Variants in CXADR observed in about 807,000 individuals in gnomAD.
CXADR encodes CXADR cell adhesion molecule, also known as coxsackievirus and adenovirus receptor.
In CXADR, 20 loss-of-function variants were observed where a neutral mutation model predicts 40.3. The ratio of observed to expected loss-of-function variants is 0.50; its 90% CI spans 0.35 to 0.72. The LOEUF is 0.72. CXADR is among the 30% of genes least tolerant of loss of function. CXADR has a pLI of 0.01. For synonymous variants in CXADR, 150 were observed against 161.3 expected (o/e 0.93, Z 0.53); for missense variants, 332 against 449.1 (o/e 0.74, Z 2.36).
rs146345824 is a variant in CXADR at position 17,548,071 on chromosome 21, TAATA to T, written c.210+882_210+885del. Among the ~76,000 whole-genome samples the T allele has an allele frequency of 5.6e-3, 858 of 152,278 alleles. 11 individuals carry two copies. The highest frequency in any genetic ancestry group is 0.02 in the African/African-American group (816 of 41,562). On this transcript the variant is annotated intron_variant, in intron 2 of 6. Transcript: ENST00000284878. Reference sequence around the variant, plus strand: ...TGACACATTTAATTTTTTAAAAAGTTAATAAATTATATTAGATCAGGGAGAGGAA... The same window carrying T: ...TGACACATTTAATTTTTTAAAAAGTTAATTATATTAGATCAGGGAGAGGAA...
At chr21:17,595,119 G>A (rs1362711189), downstream of CXADR, among the ~76,000 whole-genome samples, 2 of 152,006 alleles carry the variant, frequency 1.3e-5, no homozygotes, top group African/African-American at 4.8e-5. Context: ...AGGTGATTCT[G>A]ATGTAGCCAG....
At chr21:17,605,017 C>T in the CXADR span, 9 of 1,609,418 alleles carry the variant, frequency 5.6e-6, no homozygotes, top group South Asian at 3.3e-5. Context: ...AGTGGAGTTA[C>T]GTTAATGGAT....
chr21:17,585,270 T>C (rs1407677768), intron 7 of CXADR, among the ~76,000 whole-genome samples: 1 of 152,170 alleles, frequency 6.6e-6, no homozygotes, highest in African/African-American at 2.4e-5. Context: ...AATCTAGTAA[T>C]AAAGATTTGT....
At chr21:17,615,394 G>C in the CXADR span, among the ~76,000 whole-genome samples, 1 of 152,168 alleles carries the variant, frequency 6.6e-6, no homozygotes, top group African/African-American at 2.4e-5. Context: ...AATTACAGTA[G>C]TTCCCCCTTA....
the CXADR span, among the ~76,000 whole-genome samples, chr21:17,634,177 A>T: frequency 6.6e-6 from 1 of 152,326 alleles, no homozygotes; most frequent in East Asian, 1.9e-4. Context: ...AAAGCTCATG[A>T]ACCCAAGAGT....
intron 7 of CXADR, among the ~76,000 whole-genome samples, chr21:17,588,437 A>G (rs1237629156): frequency 6.6e-6 from 1 of 152,130 alleles, no homozygotes; most frequent in Non-Finnish European, 1.5e-5. Flanking sequence ...TTCTCCTTGA[A>G]GAGGTCCTTC....
downstream of CXADR, among the ~76,000 whole-genome samples, chr21:17,574,946 G>A (rs2061308102): frequency 1.3e-5 from 2 of 151,552 alleles, no homozygotes; most frequent in South Asian, 4.2e-4. Flanking sequence ...ACTCAAATAG[G>A]AAGTAGGGAA....
At chr21:17,612,973 G>T in the CXADR span, 262 of 152,076 alleles carry the variant, frequency 1.7e-3, 2 homozygotes, top group African/African-American at 6.0e-3. Context: ...CCCGGGAAAG[G>T]GTTGGCGCGC....
chr21:17,572,710 T>G (rs2061288474), downstream of CXADR, among the ~76,000 whole-genome samples: 2 of 151,742 alleles, frequency 1.3e-5, no homozygotes, highest in South Asian at 4.2e-4. Context: ...ACTAACGTTG[T>G]TTTTTTTCCC....
intron 1 of CXADR, among the ~76,000 whole-genome samples, chr21:17,528,120 C>CAGTG (rs2060622072): frequency 7.4e-6 from 1 of 135,088 alleles, no homozygotes; most frequent in Non-Finnish European, 1.5e-5. Context: ...GTCGCCCAGG[C>CAGTG]CGGATTGCAG....
At chr21:17,541,424 G>T (rs550589284) in intron 1 of CXADR, among the ~76,000 whole-genome samples, 2 of 152,124 alleles carry the variant, frequency 1.3e-5, no homozygotes, top group South Asian at 4.2e-4. Context: ...GGACGTGGTG[G>T]TGGGCACCTG....
intron 7 of CXADR, among the ~76,000 whole-genome samples, chr21:17,587,489 A>G (rs1004869899): frequency 2.0e-5 from 3 of 152,222 alleles, no homozygotes; most frequent in African/African-American, 7.2e-5. Flanking sequence ...TCTGATGGCC[A>G]GTGATGATGA....
At chr21:17,613,312 G>A in the CXADR span, 4 of 152,382 alleles carry the variant, frequency 2.6e-5, no homozygotes, top group Admixed American at 2.6e-4. Context: ...GACACCCTCA[G>A]GGCGGAATGG....
chr21:17,607,734 TAA>T, the CXADR span, among the ~76,000 whole-genome samples: 1 of 152,204 alleles, frequency 6.6e-6, no homozygotes, highest in Admixed American at 6.5e-5. Flanking sequence ...TATACACAAA[TAA>T]AAGAGTATTT....
intron 4 of CXADR, among the ~76,000 whole-genome samples, chr21:17,559,530 T>G (rs1008979030): frequency 6.6e-6 from 1 of 152,082 alleles, no homozygotes; most frequent in African/African-American, 2.4e-5. Flanking sequence ...CTTTCCCTTT[T>G]CTACATAGAA....
chr21:17,628,524 G>A, the CXADR span, among the ~76,000 whole-genome samples: 14 of 151,334 alleles, frequency 9.3e-5, no homozygotes, highest in Middle Eastern at 3.2e-3. Flanking sequence ...TTTTTGAGAC[G>A]GAGTCTCGCT....
rs188391206 is a variant in CXADR, at chr21:17,527,664, C to G, written c.43+14492C>G. Reference sequence around the variant, plus strand: ...ATGCTATCTGAAAATGTAAGGTATTCTGATTATTCCTTCCATGCCTTAACT... The same window carrying G: ...ATGCTATCTGAAAATGTAAGGTATTGTGATTATTCCTTCCATGCCTTAACT... On this transcript the variant is annotated intron_variant, in intron 1 of 6. Coordinates refer to ENST00000284878, the MANE Select transcript of CXADR (RefSeq NM_001338.5). Among the ~76,000 whole-genome samples the G allele has an allele frequency of 1.1e-4, 16 of 152,274 alleles. No individual in the cohort carries two copies. In the East Asian group the frequency reaches 3.1e-3, roughly 29 times the overall value.
chr21:17,517,622 C>T (rs1486587527), intron 1 of CXADR, among the ~76,000 whole-genome samples: 2 of 152,166 alleles, frequency 1.3e-5, no homozygotes, highest in East Asian at 3.9e-4. Context: ...ATTTAGCAAG[C>T]ACATGCTAGC....
rs565763327 is a variant in CXADR, at chr21:17,525,032, A to G, written c.43+11860A>G. ...AAAGACTTTCTTGATCTATTGATAA[A>G]AAAAGGAAGATAGGAAAAGGGAAGG... is the stretch of plus-strand genomic sequence containing the variant. On this transcript the variant is annotated intron_variant, in intron 1 of 6. Transcript: ENST00000284878. 2.6e-5 allele frequency among the ~76,000 whole-genome samples: 4 copies of G among 152,314 alleles called. No individual in the cohort carries two copies. The South Asian group carries it at 8.3e-4, about 32-fold the overall frequency.
Sources: allele counts gnomAD v4.1 joint callset (sites outside exome capture counted in the v4.1 genomes callset), GRCh38; gene constraint gnomAD v4.1.1; transcripts MANE v1.5; gene names NCBI Gene and HGNC (gene_info 2026-07-23, HGNC 2026-07-21).